Variants in PDE4D observed in about 807,000 individuals in gnomAD.
PDE4D encodes the protein 3',5'-cyclic-AMP phosphodiesterase 4D.
PDE4D carries 24 observed loss-of-function variants against 87.4 expected under a neutral mutation model. That is an observed-to-expected ratio of 0.27 (90% confidence interval 0.20 to 0.39). The LOEUF (loss-of-function observed/expected upper bound fraction) is 0.39. Ranked by LOEUF, PDE4D falls within the 10% of genes least tolerant of loss-of-function variation. The pLI, the probability that PDE4D is intolerant of heterozygous loss-of-function variation, is 1.00. For missense variants in PDE4D, 714 were observed against 1,041.0 expected (o/e 0.69, Z 4.32); for synonymous variants, 384 against 383.2 (o/e 1.00, Z -0.02).
chr5:60,257,951 C>A (rs1031971459), intron 1 of PDE4D, among the ~76,000 whole-genome samples: 1 of 152,018 alleles, frequency 6.6e-6, no homozygotes, highest in Middle Eastern at 3.4e-3. Flanking sequence ...GCAACATAAA[C>A]CAAATGTGCC....
At chr5:59,353,103 A>T (rs144420721) in intron 1 of PDE4D, among the ~76,000 whole-genome samples, 1 of 152,288 alleles carries the variant, frequency 6.6e-6, no homozygotes, top group African/African-American at 2.4e-5. Context: ...TTCTATTTAC[A>T]TAGTACCTAC....
At chr5:60,429,739 A>T (rs1744034880) in intron 1 of PDE4D, among the ~76,000 whole-genome samples, 1 of 151,394 alleles carries the variant, frequency 6.6e-6, no homozygotes, top group African/African-American at 2.4e-5. Context: ...TTTTGTTTTT[A>T]TTCCGTTCAT....
At chr5:60,103,586 G>C (rs1691950106) in intron 2 of PDE4D, among the ~76,000 whole-genome samples, 1 of 152,036 alleles carries the variant, frequency 6.6e-6, no homozygotes, top group Non-Finnish European at 1.5e-5. Context: ...GTGACCTGTT[G>C]GTCCTCCAGA....
At chr5:60,467,717 A>G (rs1387247551) in intron 1 of PDE4D, among the ~76,000 whole-genome samples, 1 of 152,204 alleles carries the variant, frequency 6.6e-6, no homozygotes, top group East Asian at 1.9e-4. Flanking sequence ...CCAGCTCCCC[A>G]GGCTTAACAG....
rs1561974458 is a variant in PDE4D at position 60,009,171 on chromosome 5, G to A, written c.43-20454C>T. Among the ~76,000 whole-genome samples the A allele has an allele frequency of 2.6e-5, 4 of 152,128 alleles. No individual in the cohort carries two copies. The South Asian group carries it at 8.3e-4, about 32-fold the overall frequency. Reference sequence around the variant, plus strand: ...TCTTAAGCATAAGTTCATCATGGAAGGTTTTTATCAAACGTTGAAATTCAG... The same window carrying A: ...TCTTAAGCATAAGTTCATCATGGAAAGTTTTTATCAAACGTTGAAATTCAG... On this transcript the variant is annotated intron_variant, in intron 2 of 16. Transcript: ENST00000502484.
chr5:60,198,169 C>T (rs1170418534), intron 1 of PDE4D, among the ~76,000 whole-genome samples: 1 of 151,170 alleles, frequency 6.6e-6, no homozygotes, highest in African/African-American at 2.4e-5. Flanking sequence ...ATTAGAGAAT[C>T]ATTTTCAATA....
At chr5:59,209,891 T>A (rs898327197) in intron 2 of PDE4D, among the ~76,000 whole-genome samples, 2 of 152,250 alleles carry the variant, frequency 1.3e-5, no homozygotes, top group African/African-American at 4.8e-5. Context: ...TCCAGGTGGT[T>A]GACAGATGTT....
chr5:59,524,975 G>C (rs985926333), intron 1 of PDE4D, among the ~76,000 whole-genome samples: 2 of 152,264 alleles, frequency 1.3e-5, no homozygotes, highest in African/African-American at 4.8e-5. Context: ...GCAAGAGCCT[G>C]CTGCAGGGAC....
At chr5:59,957,218 T>A (rs1758930990) in intron 3 of PDE4D, among the ~76,000 whole-genome samples, 3 of 151,808 alleles carry the variant, frequency 2.0e-5, no homozygotes. Flanking sequence ...ATTATTATTA[T>A]TTTTTTTGGT....
In PDE4D at chr5:60,106,707, T is replaced by C. The variant is rs1404215223; in HGVS notation, c.42+78850A>G. ...CTGGAACTCAGGATTAAGAAACTCA[T>C]TCAAAACCACTCAACTACATGGAAA... On this transcript the variant is annotated intron_variant, in intron 2 of 16. Transcript: ENST00000502484. Among the ~76,000 whole-genome samples, 1,176 of 151,768 alleles carry C rather than the reference T, an allele frequency of 7.7e-3. 12 individuals are homozygous for C. Among genetic ancestry groups the C allele is most frequent in the African/African-American group, 0.027 (1,120 of 41,338 alleles).
chr5:60,044,888 C>T (rs905050465), intron 2 of PDE4D, among the ~76,000 whole-genome samples: 5 of 152,002 alleles, frequency 3.3e-5, no homozygotes, highest in African/African-American at 1.2e-4. Context: ...CCAGTAATGG[C>T]ATGGCTGGGT....
intron 1 of PDE4D, among the ~76,000 whole-genome samples, chr5:60,500,325 A>AAGAAGAAGG (rs1750011882): frequency 1.3e-5 from 2 of 152,116 alleles, no homozygotes; most frequent in South Asian, 4.1e-4. Context: ...AATAAAAAAG[A>AAGAAGAAGG]AGAAGAAGGA....
intron 1 of PDE4D, among the ~76,000 whole-genome samples, chr5:60,417,183 C>A (rs1345968922): frequency 6.6e-6 from 1 of 152,220 alleles, no homozygotes; most frequent in African/African-American, 2.4e-5. Context: ...GCCCAGAGAA[C>A]AGCCTCTCTC....
At chr5:59,459,743 G>A (rs1295144737) in intron 1 of PDE4D, among the ~76,000 whole-genome samples, 1 of 152,170 alleles carries the variant, frequency 6.6e-6, no homozygotes, top group Admixed American at 6.5e-5. Flanking sequence ...AATTCTTTTA[G>A]TTACGGAAGG....
At chr5:60,442,759 G>C (rs919315845) in intron 1 of PDE4D, among the ~76,000 whole-genome samples, 1 of 152,116 alleles carries the variant, frequency 6.6e-6, no homozygotes, top group African/African-American at 2.4e-5. Flanking sequence ...TAGGTCTCAA[G>C]TTTGGGTGGA....
intron 1 of PDE4D, among the ~76,000 whole-genome samples, chr5:59,762,875 A>C (rs1344151081): frequency 7.6e-6 from 1 of 131,434 alleles, no homozygotes; most frequent in Non-Finnish European, 1.6e-5. Context: ...ATATATATAT[A>C]TATATATATA....
chr5:60,096,400 A>G (rs1276252400), intron 2 of PDE4D, among the ~76,000 whole-genome samples: 1 of 152,174 alleles, frequency 6.6e-6, no homozygotes, highest in Non-Finnish European at 1.5e-5. Flanking sequence ...TACCTTATAC[A>G]TAATAGAATT....
intron 2 of PDE4D, among the ~76,000 whole-genome samples, chr5:60,007,451 T>C (rs1764600664): frequency 6.6e-6 from 1 of 151,946 alleles, no homozygotes; most frequent in Non-Finnish European, 1.5e-5. Flanking sequence ...TAAGATATAG[T>C]TAAATATCAG....
chr5:59,787,975 A>G (rs1361722277), intron 1 of PDE4D, among the ~76,000 whole-genome samples: 1 of 152,240 alleles, frequency 6.6e-6, no homozygotes, highest in Non-Finnish European at 1.5e-5. Context: ...AGCATAGAAA[A>G]TCATCCACAG....
Sources: gnomAD v4.1 joint callset for allele counts (sites outside exome capture counted in the v4.1 genomes callset) on GRCh38, gnomAD v4.1.1 for gene constraint, MANE v1.5 for transcripts, NCBI Gene and HGNC (gene_info 2026-07-23, HGNC 2026-07-21) for gene names.